LHFPL3: variants seen among roughly 807,000 people sequenced by gnomAD.
LHFPL3 encodes LHFPL tetraspan subfamily member 3 protein.
A neutral mutation model predicts 19.3 loss-of-function variants in LHFPL3; 5 were observed. The ratio of observed to expected loss-of-function variants is 0.26; its 90% confidence interval spans 0.14 to 0.54. LHFPL3 has a LOEUF of 0.54. Among genes scored for constraint, LHFPL3 ranks in the 20% least tolerant of loss-of-function variants. The probability of loss-of-function intolerance (pLI) is 0.94; values close to 1 mark genes in which losing one functional copy is unlikely to be tolerated. For missense variants in LHFPL3, 249 were observed against 307.4 expected (o/e 0.81, Z 1.42); for synonymous variants, 133 against 126.2 (o/e 1.05, Z -0.36).
At chr7:104,476,419 G>A (rs917802407) in intron 1 of LHFPL3, among the ~76,000 whole-genome samples, 1 of 151,770 alleles carries the variant, frequency 6.6e-6, no homozygotes, top group African/African-American at 2.4e-5. Flanking sequence ...AAATGACAGA[G>A]TTCCAAGAAA....
At chr7:104,450,576 G>T (rs1440320012) in intron 1 of LHFPL3, among the ~76,000 whole-genome samples, 1 of 152,090 alleles carries the variant, frequency 6.6e-6, no homozygotes, top group Non-Finnish European at 1.5e-5. Flanking sequence ...CCTGACAGGG[G>T]GTGGGGGACT....
intron 1 of LHFPL3, among the ~76,000 whole-genome samples, chr7:104,488,496 T>C (rs541823485): frequency 9.8e-5 from 15 of 152,306 alleles, no homozygotes; most frequent in Admixed American, 9.2e-4. Context: ...CCAGGACATA[T>C]ATTTTCACTT....
intron 1 of LHFPL3, among the ~76,000 whole-genome samples, chr7:104,451,904 C>T (rs945658815): frequency 1.3e-5 from 2 of 152,024 alleles, no homozygotes; most frequent in African/African-American, 4.8e-5. Context: ...GCCACCATGC[C>T]TGGCTAATTT....
intron 1 of LHFPL3, among the ~76,000 whole-genome samples, chr7:104,695,549 C>T (rs994232647): frequency 2.0e-5 from 3 of 152,056 alleles, no homozygotes; most frequent in Non-Finnish European, 4.4e-5. Context: ...GTAAACAAGG[C>T]CCATGAAGCT....
intron 1 of LHFPL3, among the ~76,000 whole-genome samples, chr7:104,369,344 C>T (rs1272235842): frequency 6.6e-6 from 1 of 152,194 alleles, no homozygotes; most frequent in African/African-American, 2.4e-5. Context: ...TTGCACTTGG[C>T]ATCTTTCACT....
chr7:104,407,024 C>G (rs1455167644), intron 1 of LHFPL3, among the ~76,000 whole-genome samples: 1 of 152,138 alleles, frequency 6.6e-6, no homozygotes, highest in Non-Finnish European at 1.5e-5. Flanking sequence ...CACAGGGGAC[C>G]TCTCTGAGCC....
In LHFPL3 at chr7:104,347,256, G is replaced by GAA. The variant is rs35954754; in HGVS notation, c.445+18040_445+18041dup. Reference sequence around the variant, plus strand: ...ACTGTTTTATTTCTTTTTTAATCTAGAAAAAAAAATCATGCACATTTTGGT... The same window carrying GAA: ...ACTGTTTTATTTCTTTTTTAATCTAGAAAAAAAAAAATCATGCACATTTTGGT... On this transcript the variant is annotated intron_variant, in intron 1 of 2. Transcript: ENST00000424859. Among the ~76,000 whole-genome samples the GAA allele has an allele frequency of 2.7e-3, 409 of 151,048 alleles. 3 individuals are homozygous for GAA. Among genetic ancestry groups the GAA allele is most frequent in the African/African-American group, 9.5e-3 (391 of 41,130 alleles).
At chr7:104,867,624 G>T (rs1483803746) in intron 2 of LHFPL3, among the ~76,000 whole-genome samples, 4 of 152,130 alleles carry the variant, frequency 2.6e-5, no homozygotes, top group Non-Finnish European at 4.4e-5. Flanking sequence ...ACCAGATGGA[G>T]TCACAGCTGA....
At chr7:104,472,415 A>G (rs989742175) in intron 1 of LHFPL3, among the ~76,000 whole-genome samples, 27 of 152,166 alleles carry the variant, frequency 1.8e-4, no homozygotes, top group Middle Eastern at 3.2e-3. Flanking sequence ...TAAATACTGC[A>G]TGTACTTTGT....
chr7:104,493,819 C>G (rs965464680), intron 1 of LHFPL3, among the ~76,000 whole-genome samples: 2 of 152,012 alleles, frequency 1.3e-5, no homozygotes, highest in Non-Finnish European at 2.9e-5. Context: ...TGGTCTCTTA[C>G]TTCTCTGTAC....
intron 1 of LHFPL3, among the ~76,000 whole-genome samples, chr7:104,398,218 A>G (rs567908603): frequency 1.9e-4 from 29 of 152,326 alleles, no homozygotes; most frequent in African/African-American, 7.0e-4. Context: ...TAACAAGTTC[A>G]TGGTACTCTT....
At chr7:104,688,646 C>T (rs1246173971) in intron 1 of LHFPL3, among the ~76,000 whole-genome samples, 1 of 152,132 alleles carries the variant, frequency 6.6e-6, no homozygotes, top group Non-Finnish European at 1.5e-5. Context: ...ATTACCCATG[C>T]ACTGCCTGAG....
chr7:104,480,020 A>G (rs542475673), intron 1 of LHFPL3, among the ~76,000 whole-genome samples: 1 of 152,340 alleles, frequency 6.6e-6, no homozygotes, highest in Non-Finnish European at 1.5e-5. Flanking sequence ...TGATGTTTAA[A>G]TGGTATATAT....
intron 1 of LHFPL3, among the ~76,000 whole-genome samples, chr7:104,633,942 G>T (rs1287566830): frequency 1.3e-5 from 2 of 152,150 alleles, no homozygotes; most frequent in African/African-American, 4.8e-5. Context: ...GCCAGCAGCT[G>T]GTGTTGGATA....
intron 1 of LHFPL3, among the ~76,000 whole-genome samples, chr7:104,608,547 A>G (rs1454566790): frequency 1.3e-5 from 2 of 151,184 alleles, no homozygotes; most frequent in East Asian, 2.0e-4. Flanking sequence ...CCTAATGCTA[A>G]ATGACGAGTT....
In LHFPL3 at chr7:104,757,939, C is replaced by T. The variant is rs961821074; in HGVS notation, c.682+21028C>T. ...GCAGCACTATTCACAATAGCAAAGA[C>T]ATGAAATCAACCTAGGTGCCTGTCA... On this transcript the variant is annotated intron_variant, in intron 2 of 2. Coordinates refer to ENST00000424859, the MANE Select transcript of LHFPL3 (RefSeq NM_199000.3). Among the ~76,000 whole-genome samples the T allele has an allele frequency of 8.5e-5, 13 of 152,296 alleles. No homozygotes were observed. The South Asian group carries it at 1.5e-3, about 17-fold the overall frequency.
chr7:104,406,915 A>C (rs1435928838), intron 1 of LHFPL3, among the ~76,000 whole-genome samples: 1 of 152,194 alleles, frequency 6.6e-6, no homozygotes, highest in Non-Finnish European at 1.5e-5. Context: ...TTAATAACTT[A>C]TCTCTTTGGT....
intron 2 of LHFPL3, among the ~76,000 whole-genome samples, chr7:104,903,936 G>A (rs1792545281): frequency 6.6e-6 from 1 of 152,134 alleles, no homozygotes; most frequent in Admixed American, 6.5e-5. Context: ...ATTTTCCTTT[G>A]GGCATATAGC....
chr7:104,731,356 G>C (rs981059972), intron 1 of LHFPL3, among the ~76,000 whole-genome samples: 18 of 152,158 alleles, frequency 1.2e-4, no homozygotes, highest in African/African-American at 4.3e-4. Context: ...TATCCATGAG[G>C]ATGGAATGTT....
Sources: allele counts gnomAD v4.1 joint callset (sites outside exome capture counted in the v4.1 genomes callset), GRCh38; gene constraint gnomAD v4.1.1; transcripts MANE v1.5; gene names NCBI Gene and HGNC (gene_info 2026-07-23, HGNC 2026-07-21).